The following SUGCT variants were observed in gnomAD, a reference collection of about 807,000 sequenced individuals.
SUGCT encodes succinyl-CoA:glutarate CoA-transferase.
In SUGCT, 41 loss-of-function variants were observed where a neutral mutation model predicts 55.0. That is an observed-to-expected ratio of 0.74 (90% CI 0.58 to 0.97). The LOEUF is 0.97. Among genes scored for constraint, SUGCT ranks in the 50% least tolerant of loss-of-function variants. SUGCT has a pLI of 0.00. For missense variants in SUGCT, 568 were observed against 547.8 expected (o/e 1.04, Z -0.37); for synonymous variants, 187 against 200.4 (o/e 0.93, Z 0.56).
chr7:40,948,994 G>C, the SUGCT span, among the ~76,000 whole-genome samples: 4 of 152,124 alleles, frequency 2.6e-5, no homozygotes, highest in Non-Finnish European at 4.4e-5. Flanking sequence ...TGGGTCAAAT[G>C]GTATTTCTAG....
intron 12 of SUGCT, among the ~76,000 whole-genome samples, chr7:40,627,432 T>C (rs1392903199): frequency 1.3e-5 from 2 of 152,168 alleles, no homozygotes; most frequent in Non-Finnish European, 2.9e-5. Flanking sequence ...AATCAGAGGC[T>C]GAAGTGAAGT....
At chr7:40,205,862 T>C (rs1489677596) in intron 6 of SUGCT, among the ~76,000 whole-genome samples, 1 of 152,148 alleles carries the variant, frequency 6.6e-6, no homozygotes, top group Non-Finnish European at 1.5e-5. Flanking sequence ...TTTTTCTACA[T>C]ATTCTAAAAT....
chr7:40,942,296 A>G, the SUGCT span, among the ~76,000 whole-genome samples: 1 of 152,114 alleles, frequency 6.6e-6, no homozygotes, highest in Non-Finnish European at 1.5e-5. Flanking sequence ...TCTGAAAGAT[A>G]CTTTACTTTT....
At chr7:40,916,059 C>G in the SUGCT span, among the ~76,000 whole-genome samples, 1 of 101,076 alleles carries the variant, frequency 9.9e-6, no homozygotes, top group Non-Finnish European at 1.9e-5. Flanking sequence ...CTCTCTCTCT[C>G]TCTCTCTACA....
chr7:40,322,237 GTC>G (rs1248211304), intron 9 of SUGCT, among the ~76,000 whole-genome samples: 2 of 151,860 alleles, frequency 1.3e-5, no homozygotes, highest in Non-Finnish European at 2.9e-5. Flanking sequence ...CCCATCTTGT[GTC>G]TCTCTCTCTC....
At chr7:40,986,600 G>C in the SUGCT span, among the ~76,000 whole-genome samples, 1 of 152,170 alleles carries the variant, frequency 6.6e-6, no homozygotes, top group Non-Finnish European at 1.5e-5. Flanking sequence ...CTCTTCTGAC[G>C]TGTGCTGTAA....
chr7:40,309,905 AAAC>A (rs1335264807), intron 8 of SUGCT, among the ~76,000 whole-genome samples: 5 of 147,418 alleles, frequency 3.4e-5, no homozygotes, highest in South Asian at 2.1e-4. Context: ...AAAAAAAAAA[AAAC>A]ACATGACCAT....
At chr7:40,514,710 C>CA (rs914527174) in intron 12 of SUGCT, among the ~76,000 whole-genome samples, 653 of 13,874 alleles carry the variant, frequency 0.047, 173 homozygotes, top group Non-Finnish European at 0.074. Context: ...AACTCCGTCT[C>CA]AAAAAAAAAA....
chr7:40,136,051 C>A (rs1205482264), intron 1 of SUGCT, among the ~76,000 whole-genome samples: 2 of 150,480 alleles, frequency 1.3e-5, no homozygotes, highest in Non-Finnish European at 2.9e-5. Flanking sequence ...GGCTGGAGTG[C>A]AGTGGCGCGA....
At chr7:40,858,258 C>T (rs1397640100) in intron 13 of SUGCT, among the ~76,000 whole-genome samples, 1 of 151,872 alleles carries the variant, frequency 6.6e-6, no homozygotes, top group Non-Finnish European at 1.5e-5. Flanking sequence ...ACAAAATTAG[C>T]CGGGCATGGT....
chr7:40,867,208 A>G, the SUGCT span, among the ~76,000 whole-genome samples: 41 of 149,408 alleles, frequency 2.7e-4, no homozygotes, highest in African/African-American at 9.0e-4. Context: ...TCTCTATACC[A>G]CATGCCCCCA....
rs574592730 is a variant in SUGCT, at chr7:40,566,684, G to C, written c.1089+70298G>C. 3.3e-5 allele frequency among the ~76,000 whole-genome samples: 5 copies of C among 152,180 alleles called. No individual in the cohort carries two copies. In the South Asian group the frequency reaches 1.0e-3, roughly 32 times the overall value. On this transcript the variant is annotated intron_variant, in intron 12 of 13. Coordinates refer to ENST00000335693, the MANE Select transcript of SUGCT (RefSeq NM_001193313.2). ...TGCATTCTATTTGCTTATATTTTAA[G>C]GTTTGTTTCATCGAGGAAGTGGTAT...
intron 1 of SUGCT, among the ~76,000 whole-genome samples, chr7:40,174,755 A>T (rs1784844038): frequency 6.6e-6 from 1 of 152,242 alleles, no homozygotes; most frequent in African/African-American, 2.4e-5. Context: ...TACTTATAGA[A>T]TGTTCCTGTG....
Position 40,143,587 on chromosome 7 carries a change from C to T in SUGCT, c.100+8467C>T, listed in dbSNP as rs565373099. 1.6e-4 allele frequency among the ~76,000 whole-genome samples: 24 copies of T among 152,344 alleles called. No individual in the cohort carries two copies. The South Asian group carries it at 3.7e-3, about 24-fold the overall frequency. ...AAGCATAACAATTGCTTTTGTTTAA[C>T]GTGCAGACGGAATATTTGATCCATT... On this transcript the variant is annotated intron_variant, in intron 1 of 13. Coordinates refer to ENST00000335693, the MANE Select transcript of SUGCT (RefSeq NM_001193313.2).
At chr7:40,224,574 A>G (rs1788222646) in intron 6 of SUGCT, among the ~76,000 whole-genome samples, 1 of 152,100 alleles carries the variant, frequency 6.6e-6, no homozygotes, top group Non-Finnish European at 1.5e-5. Flanking sequence ...TCCTTAAAAA[A>G]CAGTGTATGT....
intron 9 of SUGCT, among the ~76,000 whole-genome samples, chr7:40,362,164 A>G (rs1798187796): frequency 6.6e-6 from 1 of 152,148 alleles, no homozygotes; most frequent in South Asian, 2.1e-4. Flanking sequence ...ATCGCCTGTA[A>G]TCCCAGCACT....
At chr7:40,248,810 A>G (rs1790086517) in intron 7 of SUGCT, among the ~76,000 whole-genome samples, 1 of 152,080 alleles carries the variant, frequency 6.6e-6, no homozygotes, top group Non-Finnish European at 1.5e-5. Context: ...TTTGAGAATA[A>G]AAACCTGTTT....
intron 9 of SUGCT, among the ~76,000 whole-genome samples, chr7:40,401,924 T>A (rs559475514): frequency 6.6e-6 from 1 of 152,306 alleles, no homozygotes; most frequent in South Asian, 2.1e-4. Context: ...TTTCTGATAC[T>A]TTTCAAAATG....
chr7:40,530,221 A>G (rs1383979878), intron 12 of SUGCT, among the ~76,000 whole-genome samples: 6 of 152,142 alleles, frequency 3.9e-5, no homozygotes, highest in Admixed American at 3.9e-4. Context: ...CTTTTGAACA[A>G]TTCTAATTAT....
Sources: gnomAD v4.1 joint callset for allele counts (sites outside exome capture counted in the v4.1 genomes callset) on GRCh38, gnomAD v4.1.1 for gene constraint, MANE v1.5 for transcripts, NCBI Gene and HGNC (gene_info 2026-07-23, HGNC 2026-07-21) for gene names.